The following ZFP64 variants were observed in gnomAD, a reference collection of about 807,000 sequenced individuals.
ZFP64 encodes ZFP64 zinc finger protein.
Under a neutral mutation model 51.6 loss-of-function variants are expected in ZFP64, and 14 were observed. The observed-to-expected ratio is 0.27, with a 90% CI of 0.18 to 0.42. The LOEUF is 0.42. Among genes scored for constraint, ZFP64 ranks in the 10% least tolerant of loss-of-function variants. The pLI is 1.00. For synonymous variants in ZFP64, 375 were observed against 361.4 expected, an observed-to-expected ratio of 1.04 and a Z score of -0.43; for missense variants, 754 against 906.8, an observed-to-expected ratio of 0.83 and a Z score of 2.16.
chr20:52,158,667 C>A (rs1357784735), intron 5 of ZFP64, among the ~76,000 whole-genome samples: 1 of 152,102 alleles, frequency 6.6e-6, no homozygotes, highest in Non-Finnish European at 1.5e-5. Context: ...GATCACGCCA[C>A]TGCACTCCAG....
At position 52,139,580 on chromosome 20, in the gene ZFP64, A is replaced by G. The variant is rs145631183; in HGVS notation, c.763+20543T>C. Among the ~76,000 whole-genome samples the G allele has an allele frequency of 4.9e-3, 745 of 152,258 alleles. 5 individuals carry two copies. Among genetic ancestry groups the G allele is most frequent in the African/African-American group, 0.017 (686 of 41,536 alleles). On this transcript the variant is annotated intron_variant, in intron 5 of 8. Coordinates refer to the ZFP64 transcript ENST00000361387. ...CACTACCTGGGTGACCAAACCATTCATACCCCAAACCCCAGTGACATGCAA... is the reference window on the plus strand; with the variant it reads ...CACTACCTGGGTGACCAAACCATTCGTACCCCAAACCCCAGTGACATGCAA...
In ZFP64 at chr20:52,152,620, A is replaced by G; in HGVS notation, c.1572T>C (p.Pro524=). 6.5e-7 allele frequency: 1 copy of G among 1,535,300 alleles called. No individual in the cohort carries two copies. The change falls in exon 6 of 6, where the codon CCT becomes CCC. Residue 524 remains proline, a synonymous_variant. Coordinates refer to ENST00000216923, the MANE Select transcript of ZFP64 (RefSeq NM_018197.3). ...CCTCTGGGTTCTGGGCCACCAAGGC[A>G]GGCGGGACGATGTTCACTGCAGCGG... The part of the protein sequence containing the change: ...AAAAAVNIVP[P]ALVAQNPEEL...
chr20:52,122,928 AC>A (rs1369013803), intron 5 of ZFP64, among the ~76,000 whole-genome samples: 1 of 152,182 alleles, frequency 6.6e-6, no homozygotes, highest in Non-Finnish European at 1.5e-5. Flanking sequence ...TGAAATGACA[AC>A]AAAGGGTTTA....
rs967811529 is a variant in ZFP64 at position 52,164,919 on chromosome 20, C to T, written c.449-162G>A. On this transcript the variant is annotated intron_variant, in intron 3 of 5. Transcript: ENST00000216923. Reference sequence around the variant, plus strand: ...TCATATGTGATGACCGGGAAAAACACACCGTCATTTTGTGGTTCCTGCCAA... The same window carrying T: ...TCATATGTGATGACCGGGAAAAACATACCGTCATTTTGTGGTTCCTGCCAA... 7 of 709,814 alleles carry T rather than the reference C, an allele frequency of 9.9e-6. No homozygotes were observed. In the East Asian group the frequency reaches 1.6e-4, roughly 17 times the overall value. The allele number at this position is 709,814 out of a possible 1,614,324, so 44.0% of individuals were successfully genotyped here. A position where few individuals can be genotyped will look rare whatever the true frequency, so the allele number is the denominator to read the frequency against.
intron 5 of ZFP64, among the ~76,000 whole-genome samples, chr20:52,145,295 A>C (rs1980468945): frequency 6.6e-6 from 1 of 152,242 alleles, no homozygotes; most frequent in South Asian, 2.1e-4. Context: ...GAATGTGCTG[A>C]GTACTATAGG....
intron 5 of ZFP64, among the ~76,000 whole-genome samples, chr20:52,134,636 T>C (rs1250974528): frequency 1.3e-5 from 2 of 152,144 alleles, no homozygotes; most frequent in Non-Finnish European, 2.9e-5. Flanking sequence ...ACACAGTGAC[T>C]TGGAACGTTC....
chr20:52,085,375 C>A lies in ZFP64; in HGVS notation c.1229-109G>T, dbSNP rs147002814. 211 of 1,192,464 alleles carry A rather than the reference C, an allele frequency of 1.8e-4. 3 individuals are homozygous for A. The East Asian group carries it at 5.3e-3, about 30-fold the overall frequency. 73.9% of individuals were successfully genotyped at this position (1,192,464 alleles called of 1,614,324 possible). ...CCATGAGATGGTTGGGTTTTGTGAA[C>A]TCTAAACCCAACCTCCTAATGACAA... On this transcript the variant is annotated intron_variant, in intron 8 of 8. Transcript: ENST00000361387. This position sits in a 1 kb window ranked among gnomAD's most constrained non-coding sequence, Gnocchi z 4.3.
At chr20:52,178,390 GATA>G (rs1427528056) in intron 2 of ZFP64, among the ~76,000 whole-genome samples, 2 of 152,068 alleles carry the variant, frequency 1.3e-5, no homozygotes, top group Admixed American at 1.3e-4. Context: ...GTCAAATGGG[GATA>G]ATAATTATTA....
At chr20:52,142,392 A>ACGCG (rs780133845) in intron 5 of ZFP64, among the ~76,000 whole-genome samples, 37 of 108,318 alleles carry the variant, frequency 3.4e-4, no homozygotes, top group African/African-American at 6.3e-4. Flanking sequence ...ACACACACAC[A>ACGCG]CACACACACA....
intron 1 of ZFP64, among the ~76,000 whole-genome samples, chr20:52,188,271 C>T (rs1488731253): frequency 2.0e-5 from 3 of 148,138 alleles, no homozygotes; most frequent in Non-Finnish European, 4.5e-5. Flanking sequence ...AGCCAAAATT[C>T]ATTCCTAACT....
chr20:52,168,077 G>A (rs747891), intron 2 of ZFP64, among the ~76,000 whole-genome samples: 10,100 of 151,904 alleles, frequency 0.066, 450 homozygotes, highest in African/African-American at 0.12. Flanking sequence ...TTGGACATTT[G>A]GCAGGAAACC....
chr20:52,182,169 T>C (rs1435105848), intron 2 of ZFP64, among the ~76,000 whole-genome samples: 2 of 152,290 alleles, frequency 1.3e-5, no homozygotes, highest in African/African-American at 2.4e-5. Flanking sequence ...GGGGACTGTT[T>C]AGTGAGAGGG....
chr20:52,126,099 T>C (rs747919337), intron 5 of ZFP64, among the ~76,000 whole-genome samples: 26 of 152,178 alleles, frequency 1.7e-4, no homozygotes, highest in South Asian at 4.1e-4. Context: ...CGTTTTACCA[T>C]GTTGGCCAGG....
In ZFP64 at chr20:52,152,536, A is replaced by AG. The variant is rs760917371; in HGVS notation, c.1655dup (p.Gln553SerfsTer61). ...CCTCGCTCGGACACCGCGAGGACTG[A>AG]GGGGGGGCGATCAGACTGACCTGGC... On this transcript the variant is annotated frameshift_variant, in exon 6 of 6. Transcript: ENST00000216923. LOFTEE classifies it high-confidence loss of function. 22 of 1,588,208 alleles carry AG rather than the reference A, an allele frequency of 1.4e-5. No homozygotes were observed. The highest frequency in any genetic ancestry group is 1.3e-5 in the African/African-American group (1 of 74,598).
rs6126481 is a variant in ZFP64, at chr20:52,153,441, G to A, written c.764-13C>T. On this transcript the variant is annotated splice_polypyrimidine_tract_variant and intron_variant, in intron 5 of 5. Coordinates refer to ENST00000216923, the MANE Select transcript of ZFP64 (RefSeq NM_018197.3). The surrounding 1 kb of genome is among the most constrained non-coding windows in gnomAD (Gnocchi z 5.1). ...AAGGGGGCGTCCCCTGTCAACACAA[G>A]GTGAGTTTCGATAAGAACAGGCAGG... 5.6e-6 allele frequency: 9 copies of A among 1,607,936 alleles called. No individual in the cohort carries two copies. Among genetic ancestry groups the A allele is most frequent in the Non-Finnish European group, 7.7e-6 (9 of 1,176,308 alleles).
chr20:52,096,161 C>T (rs1250530741), intron 7 of ZFP64, among the ~76,000 whole-genome samples: 1 of 152,242 alleles, frequency 6.6e-6, no homozygotes, highest in Admixed American at 6.5e-5. Context: ...GAAGGGGCTC[C>T]AGAGGCTCAT....
At chr20:52,162,509 C>G (rs1473467861) in intron 4 of ZFP64, among the ~76,000 whole-genome samples, 1 of 151,806 alleles carries the variant, frequency 6.6e-6, no homozygotes, top group Non-Finnish European at 1.5e-5. Flanking sequence ...CGCCTGTAGT[C>G]CCAGCTACTC....
intron 5 of ZFP64, chr20:52,098,726 A>C: frequency 8.7e-7 from 1 of 1,151,836 alleles, no homozygotes; most frequent in Non-Finnish European, 1.2e-6. Flanking sequence ...CCATGTGACC[A>C]GGCGGGGTGG....
intron 7 of ZFP64, among the ~76,000 whole-genome samples, chr20:52,094,704 G>A (rs769304833): frequency 2.6e-5 from 4 of 152,124 alleles, no homozygotes; most frequent in African/African-American, 7.2e-5. Flanking sequence ...CTGCATTCCA[G>A]CCTGGGTGAC....
Sources: allele counts gnomAD v4.1 joint callset (sites outside exome capture counted in the v4.1 genomes callset), GRCh38; gene constraint gnomAD v4.1.1; non-coding constraint Gnocchi (gnomAD v3.1); transcripts MANE v1.5; gene names NCBI Gene and HGNC (gene_info 2026-07-23, HGNC 2026-07-21).